Variants in PCDHGA2 observed in about 807,000 individuals in gnomAD.
PCDHGA2 encodes the protein protocadherin gamma subfamily A, 2, also known as protocadherin gamma-A2.
PCDHGA2 carries 40 observed loss-of-function variants against 59.2 expected under a neutral mutation model. The ratio of observed to expected loss-of-function variants is 0.68; its 90% CI spans 0.52 to 0.88. The LOEUF (loss-of-function observed/expected upper bound fraction) is 0.88, where lower values mean the gene tolerates loss of function less well. Ranked by LOEUF, PCDHGA2 falls within the 40% of genes least tolerant of loss-of-function variation. The pLI, the probability that PCDHGA2 is intolerant of heterozygous loss-of-function variation, is 0.00. For synonymous variants in PCDHGA2, 560 were observed against 526.0 expected, an observed-to-expected ratio of 1.06 and a Z score of -0.89; for missense variants, 1,226 against 1,204.0, an observed-to-expected ratio of 1.02 and a Z score of -0.27.
chr5:141,349,181 T>C (rs577571036), intron 1 of PCDHGA2, among the ~76,000 whole-genome samples: 94 of 152,272 alleles, frequency 6.2e-4, no homozygotes, highest in Middle Eastern at 3.4e-3. Flanking sequence ...GTGATTCTGC[T>C]GCCTCAACCT....
chr5:141,394,007 A>G lies in PCDHGA2; in HGVS notation c.2424+52612A>G, dbSNP rs1230558462. The G allele has an allele frequency of 3.7e-6, 6 of 1,613,344 alleles. No homozygotes were observed. The East Asian group carries it at 1.3e-4, about 36-fold the overall frequency. Reference sequence around the variant, plus strand: ...TACCTTTTAAATTAGAAAAGTCAATAGGTAATTATTATAGATTAGTGACAA... The same window carrying G: ...TACCTTTTAAATTAGAAAAGTCAATGGGTAATTATTATAGATTAGTGACAA... On this transcript the variant is annotated intron_variant, in intron 1 of 3. Coordinates refer to ENST00000394576, the MANE Select transcript of PCDHGA2 (RefSeq NM_018915.4).
At chr5:141,387,955 T>C in intron 1 of PCDHGA2, 1 of 1,493,874 alleles carries the variant, frequency 6.7e-7, no homozygotes. Flanking sequence ...CTGCTGTCTT[T>C]GTTCTGCCCG....
chr5:141,411,752 C>T (rs2095512204), intron 1 of PCDHGA2: 1 of 152,734 alleles, frequency 6.5e-6, no homozygotes. Context: ...TGTGGTGGCA[C>T]ATGCCTGTGG....
At chr5:141,422,747 C>T (rs1381295469) in intron 1 of PCDHGA2, 2 of 1,611,224 alleles carry the variant, frequency 1.2e-6, no homozygotes, top group Non-Finnish European at 1.7e-6. Context: ...TCCTATGTCT[C>T]TATTAACTCC....
chr5:141,399,699 C>A lies in PCDHGA2; in HGVS notation c.2424+58304C>A, dbSNP rs555724833. ...TTGACTACGAGCAGCTGCGCACCTT[C>A]GAACTCACACTACAGGCCCGCGACC... On this transcript the variant is annotated intron_variant, in intron 1 of 3. Coordinates refer to ENST00000394576, the MANE Select transcript of PCDHGA2 (RefSeq NM_018915.4). The A allele has an allele frequency of 1.9e-6, 3 of 1,613,476 alleles. No homozygotes were observed. In the East Asian group the frequency reaches 6.7e-5, roughly 36 times the overall value.
intron 2 of PCDHGA2, among the ~76,000 whole-genome samples, chr5:141,495,430 C>A (rs1189953474): frequency 6.6e-6 from 1 of 152,220 alleles, no homozygotes; most frequent in Non-Finnish European, 1.5e-5. Context: ...TCCCACTGTC[C>A]TCTGCCCCTA....
chr5:141,376,374 G>GT (rs778102910), intron 1 of PCDHGA2: 18 of 1,614,072 alleles, frequency 1.1e-5, no homozygotes, highest in East Asian at 1.1e-4. Context: ...GCAGACTCGC[G>GT]TAAGAGTCAT....
chr5:141,412,839 G>A, intron 1 of PCDHGA2: 1 of 203,324 alleles, frequency 4.9e-6, no homozygotes, highest in Admixed American at 5.8e-5. Context: ...TTAAAGATAG[G>A]AGTGGAGAAA....
At chr5:141,409,863 A>G in intron 1 of PCDHGA2, 3 of 1,612,376 alleles carry the variant, frequency 1.9e-6, no homozygotes, top group Non-Finnish European at 2.5e-6. Flanking sequence ...TTGGTGGGAG[A>G]CCGCAATGAC....
chr5:141,485,408 T>C lies in PCDHGA2; in HGVS notation c.2425-9399T>C. On this transcript the variant is annotated intron_variant, in intron 1 of 3. Transcript: ENST00000394576. The surrounding 1 kb of genome is among the most constrained non-coding windows in gnomAD (Gnocchi z 5.7). ...GAACCAAAGACACTTCCGTGTGGAT[T>C]TGGACAGCGGAGCCCTGCTCATCAA... 1 of 1,614,112 alleles carries C rather than the reference T, an allele frequency of 6.2e-7. No individual in the cohort carries two copies. Among genetic ancestry groups the C allele is most frequent in the Non-Finnish European group, 8.5e-7 (1 of 1,180,034 alleles).
At chr5:141,421,164 A>C (rs1304650780) in intron 1 of PCDHGA2, 9 of 1,286,298 alleles carry the variant, frequency 7.0e-6, no homozygotes, top group Non-Finnish European at 9.4e-6. Context: ...GACTTCATAG[A>C]TACATAAGCC....
intron 1 of PCDHGA2, chr5:141,417,773 T>C: frequency 6.9e-7 from 1 of 1,458,374 alleles, no homozygotes; most frequent in South Asian, 1.4e-5. Context: ...GGACTCCTCC[T>C]GTCCTGGGCC....
Position 141,477,029 on chromosome 5 carries a change from A to G in PCDHGA2, c.2425-17778A>G. 6.2e-7 allele frequency: 1 copy of G among 1,614,238 alleles called. No homozygotes were observed. The highest frequency in any genetic ancestry group is 8.5e-7 in the Non-Finnish European group (1 of 1,180,040). ...CTTAGACCTTGTAACCGGGATGCTG[A>G]CAATCAAGGGTCGGCTGGACTTCGA... On this transcript the variant is annotated intron_variant, in intron 1 of 3. Coordinates refer to ENST00000394576, the MANE Select transcript of PCDHGA2 (RefSeq NM_018915.4). The surrounding 1 kb of genome is among the most constrained non-coding windows in gnomAD (Gnocchi z 4.9).
At chr5:141,411,567 G>A (rs1390794685) in intron 1 of PCDHGA2, 1 of 152,186 alleles carries the variant, frequency 6.6e-6, no homozygotes, top group Non-Finnish European at 1.5e-5. Context: ...CTGGGCGACA[G>A]AGTGCGACCC....
chr5:141,496,083 C>T (rs1267834920), intron 2 of PCDHGA2, among the ~76,000 whole-genome samples: 8 of 151,904 alleles, frequency 5.3e-5, no homozygotes, highest in Admixed American at 3.3e-4. Flanking sequence ...CAACCCCCCA[C>T]CCACCACCCA....
At position 141,431,248 on chromosome 5, in the gene PCDHGA2, G is replaced by T. The variant is rs1213088915; in HGVS notation, c.2425-63559G>T. ...CCCACGCCTGGGATCCGGATATCGG[G>T]AAGAACTCTCTGCAGAGCTACGAGC... On this transcript the variant is annotated intron_variant, in intron 1 of 3. Coordinates refer to ENST00000394576, the MANE Select transcript of PCDHGA2 (RefSeq NM_018915.4). The surrounding 1 kb of genome is among the most constrained non-coding windows in gnomAD (Gnocchi z 4.8). 6.2e-7 allele frequency: 1 copy of T among 1,614,022 alleles called. No individual in the cohort carries two copies. The highest frequency in any genetic ancestry group is 8.5e-7 in the Non-Finnish European group (1 of 1,180,056).
Position 141,489,640 on chromosome 5 carries a change from G to A in PCDHGA2, c.2425-5167G>A. The A allele has an allele frequency of 1.2e-6, 2 of 1,614,146 alleles. No individual in the cohort carries two copies. Among genetic ancestry groups the A allele is most frequent in the Non-Finnish European group, 1.7e-6 (2 of 1,180,010 alleles). Reference sequence around the variant, plus strand: ...TCTCAATGACAACTCTCCTAGCTTTGCCACCCCTGAGCGAGAGATGCGCAT... The same window carrying A: ...TCTCAATGACAACTCTCCTAGCTTTACCACCCCTGAGCGAGAGATGCGCAT... On this transcript the variant is annotated intron_variant, in intron 1 of 3. Transcript: ENST00000394576. The surrounding 1 kb of genome is among the most constrained non-coding windows in gnomAD (Gnocchi z 4.5).
At chr5:141,407,559 G>A (rs1210777840) in intron 1 of PCDHGA2, among the ~76,000 whole-genome samples, 1 of 151,834 alleles carries the variant, frequency 6.6e-6, no homozygotes, top group African/African-American at 2.4e-5. Context: ...TAGAACATAA[G>A]CTGAAAGATA....
chr5:141,411,366 T>C (rs559840924), intron 1 of PCDHGA2: 1 of 152,208 alleles, frequency 6.6e-6, no homozygotes, highest in South Asian at 2.1e-4. Flanking sequence ...AGCCCAAGAA[T>C]TGAGACCAGC....
Sources: gnomAD v4.1 joint callset for allele counts (sites outside exome capture counted in the v4.1 genomes callset) on GRCh38, gnomAD v4.1.1 for gene constraint, Gnocchi (gnomAD v3.1) non-coding constraint, MANE v1.5 for transcripts, NCBI Gene and HGNC (gene_info 2026-07-23, HGNC 2026-07-21) for gene names.